The following KLHDC4 variants were observed in gnomAD, a reference collection of about 807,000 sequenced individuals.
The protein encoded by KLHDC4 is kelch domain-containing protein 4.
In KLHDC4, 90 loss-of-function variants were observed where a neutral mutation model predicts 62.4. That is an observed-to-expected ratio of 1.44 (90% CI 1.22 to 1.72). KLHDC4 has a LOEUF of 1.72. Among genes scored for constraint, KLHDC4 ranks in the 40% most tolerant of loss-of-function variants. KLHDC4 has a pLI of 0.00. For missense variants in KLHDC4, 1,025 were observed against 699.7 expected (o/e 1.47, Z -5.25); for synonymous variants, 386 against 284.4 (o/e 1.36, Z -3.59).
intron 7 of KLHDC4, among the ~76,000 whole-genome samples, chr16:87,722,349 G>C (rs966699674): frequency 6.6e-6 from 1 of 152,172 alleles, no homozygotes; most frequent in Non-Finnish European, 1.5e-5. Flanking sequence ...ACGGGATCTG[G>C]TTACAGGAGG....
intron 6 of KLHDC4, among the ~76,000 whole-genome samples, chr16:87,729,113 T>C (rs1340384103): frequency 6.6e-6 from 1 of 152,164 alleles, no homozygotes; most frequent in Non-Finnish European, 1.5e-5. Context: ...TTTTTAAATC[T>C]TTCCCCCTTG....
chr16:87,722,049 G>C (rs1321597753), intron 7 of KLHDC4, among the ~76,000 whole-genome samples: 2 of 152,196 alleles, frequency 1.3e-5, no homozygotes, highest in African/African-American at 4.8e-5. Flanking sequence ...CACGACACCG[G>C]AAGCACATAC....
At chr16:87,708,855 G>C (rs975092863) in intron 10 of KLHDC4, among the ~76,000 whole-genome samples, 1 of 152,196 alleles carries the variant, frequency 6.6e-6, no homozygotes, top group African/African-American at 2.4e-5. Flanking sequence ...ATGGTGACTC[G>C]ATCCCAGCAG....
At chr16:87,698,454 A>ACC (rs1169003080) in exon 1 of KLHDC4, 15 of 152,422 alleles carry the variant, frequency 9.8e-5, no homozygotes, top group African/African-American at 3.6e-4. Context: ...GCATGACACA[A>ACC]AACGGTACCT....
At chr16:87,721,277 G>T (rs1396360357) in intron 7 of KLHDC4, among the ~76,000 whole-genome samples, 4 of 151,992 alleles carry the variant, frequency 2.6e-5, no homozygotes, top group African/African-American at 4.8e-5. Context: ...AAAATTAGCC[G>T]GGTGTGGTGG....
At chr16:87,762,850 A>G (rs2046086666) in intron 1 of KLHDC4, among the ~76,000 whole-genome samples, 1 of 152,074 alleles carries the variant, frequency 6.6e-6, no homozygotes, top group African/African-American at 2.4e-5. Context: ...TCTAGCCTTC[A>G]GTGTCCTGCT....
intron 5 of KLHDC4, among the ~76,000 whole-genome samples, chr16:87,734,063 G>A (rs190424494): frequency 6.6e-6 from 1 of 152,314 alleles, no homozygotes; most frequent in Non-Finnish European, 1.5e-5. Context: ...AAACACAAGA[G>A]GGCCGGGCGC....
At chr16:87,758,494 G>T (rs190275697) in intron 2 of KLHDC4, among the ~76,000 whole-genome samples, 1 of 152,298 alleles carries the variant, frequency 6.6e-6, no homozygotes, top group East Asian at 1.9e-4. Context: ...ACCTAGAATA[G>T]GCCAATTCAC....
chr16:87,707,977 G>A lies in KLHDC4; in HGVS notation c.*100C>T, dbSNP rs779440068. On this transcript the variant is annotated 3_prime_UTR_variant, in exon 12 of 12. Coordinates refer to ENST00000270583, the MANE Select transcript of KLHDC4 (RefSeq NM_017566.4). Reference sequence around the variant, plus strand: ...ACCCACCTTCAGCTCTCTCCTGTGCGTCAGGACGCACGCTGGCCCCAAGAG... The same window carrying A: ...ACCCACCTTCAGCTCTCTCCTGTGCATCAGGACGCACGCTGGCCCCAAGAG... 4.4e-5 allele frequency: 21 copies of A among 474,122 alleles called. No individual in the cohort carries two copies. The highest frequency in any genetic ancestry group is 3.9e-4 in the East Asian group (6 of 15,514). 29.4% of individuals were successfully genotyped at this position (474,122 alleles called of 1,614,324 possible). A position where few individuals can be genotyped will look rare whatever the true frequency, so the allele number is the denominator to read the frequency against.
chr16:87,746,241 G>C (rs560216916), intron 5 of KLHDC4, among the ~76,000 whole-genome samples: 38 of 152,118 alleles, frequency 2.5e-4, no homozygotes, highest in African/African-American at 8.7e-4. Flanking sequence ...CTGTATTCCA[G>C]CCTGGGCAAC....
chr16:87,758,974 G>A (rs1211499760), intron 2 of KLHDC4, among the ~76,000 whole-genome samples: 2 of 152,012 alleles, frequency 1.3e-5, no homozygotes, highest in Middle Eastern at 3.4e-3. Context: ...TGGGGAGTTC[G>A]AGACCAGTCT....
In KLHDC4 at chr16:87,759,097, G is replaced by C. The variant is rs771394284; in HGVS notation, c.192-2620C>G. The stretch of plus-strand genomic sequence containing the variant: ...GGCTGAGGAAGAATTGCTTGAACCT[G>C]GGAGGTGGAGGTTGCGGTGAGCCGA... On this transcript the variant is annotated intron_variant, in intron 2 of 11. Transcript: ENST00000270583. Among the ~76,000 whole-genome samples, 3 of 152,278 alleles carry C rather than the reference G, an allele frequency of 2.0e-5. No individual in the cohort carries two copies. The South Asian group carries it at 6.2e-4, about 32-fold the overall frequency.
chr16:87,727,597 A>C (rs2039597954), intron 6 of KLHDC4, among the ~76,000 whole-genome samples: 1 of 152,202 alleles, frequency 6.6e-6, no homozygotes, highest in Non-Finnish European at 1.5e-5. Context: ...CCCAGCACGC[A>C]GACTGGGCTG....
At chr16:87,756,313 A>G (rs758687033) in intron 3 of KLHDC4, 86 bp downstream of exon 3, 2 of 996,782 alleles carry the variant, frequency 2.0e-6, no homozygotes, top group South Asian at 1.3e-5. Context: ...GGGCTAACGC[A>G]TATTTGATGT....
intron 4 of KLHDC4, 40 bp from the exon 5 acceptor site, chr16:87,748,849 A>G (rs372297042): frequency 1.2e-5 from 20 of 1,609,036 alleles, no homozygotes; most frequent in Admixed American, 1.7e-5. Context: ...ACAGCCACAC[A>G]GCAGAAGGGC....
At chr16:87,734,796 A>G (rs1206061362) in intron 5 of KLHDC4, among the ~76,000 whole-genome samples, 3 of 152,162 alleles carry the variant, frequency 2.0e-5, no homozygotes, top group Admixed American at 2.0e-4. Flanking sequence ...ACTCCACAGC[A>G]GCTCCATCCC....
At chr16:87,740,221 C>T (rs2042035930) in intron 5 of KLHDC4, among the ~76,000 whole-genome samples, 1 of 152,184 alleles carries the variant, frequency 6.6e-6, no homozygotes, top group Non-Finnish European at 1.5e-5. Context: ...CCAGCAAGCT[C>T]AGCCGGCAGG....
intron 5 of KLHDC4, among the ~76,000 whole-genome samples, chr16:87,742,187 C>T (rs1432508131): frequency 6.6e-6 from 1 of 152,180 alleles, no homozygotes; most frequent in Non-Finnish European, 1.5e-5. Flanking sequence ...TTACAGGCAG[C>T]AGCAGCACTG....
At position 87,762,026 on chromosome 16, in the gene KLHDC4, C is replaced by T. The variant is rs777056240; in HGVS notation, c.114G>A (p.Ala38=). The change falls in exon 2 of 12, where the codon GCG becomes GCA. Residue 38 remains alanine (A), a synonymous_variant. Transcript: ENST00000270583. ...RSRKEEEDLE[A]LIAHFQTLDA... ...CGAGTGTCTGGAAATGGGCTATGAG[C>T]GCTTCCAGGTCTTCCTAGGGCAAGC... The T allele has an allele frequency of 5.0e-6, 8 of 1,613,746 alleles. No individual in the cohort carries two copies. The highest frequency in any genetic ancestry group is 4.4e-5 in the South Asian group (4 of 91,042).
Sources: allele counts gnomAD v4.1 joint callset (sites outside exome capture counted in the v4.1 genomes callset), GRCh38; gene constraint gnomAD v4.1.1; transcripts MANE v1.5; gene names NCBI Gene and HGNC (gene_info 2026-07-23, HGNC 2026-07-21).